Variants in ULK2 observed in about 807,000 individuals in gnomAD.
ULK2 encodes the protein unc-51 like autophagy activating kinase 2.
A neutral mutation model predicts 127.5 loss-of-function variants in ULK2; 76 were observed. The ratio of observed to expected loss-of-function variants is 0.60; its 90% CI spans 0.50 to 0.72. The LOEUF (loss-of-function observed/expected upper bound fraction) is 0.72, where lower values mean the gene tolerates loss of function less well. Ranked by LOEUF, ULK2 falls within the 30% of genes least tolerant of loss-of-function variation. ULK2 has a pLI of 0.00. For missense variants in ULK2, 1,144 were observed against 1,295.9 expected, an observed-to-expected ratio of 0.88 and a Z score of 1.80; for synonymous variants, 452 against 461.9, an observed-to-expected ratio of 0.98 and a Z score of 0.28.
At chr17:19,806,117 T>G (rs753976667) in intron 14 of ULK2, among the ~76,000 whole-genome samples, 6 of 152,118 alleles carry the variant, frequency 3.9e-5, no homozygotes, top group Admixed American at 6.6e-5. Context: ...TAAAACAGCT[T>G]AACAGTACTT....
chr17:19,855,777 C>G (rs999803123), intron 3 of ULK2: 4 of 152,246 alleles, frequency 2.6e-5, no homozygotes, highest in Non-Finnish European at 5.9e-5. Flanking sequence ...TCCTAAACAT[C>G]TCACTAATCT....
chr17:19,790,068 G>A (rs1163347028), intron 20 of ULK2, among the ~76,000 whole-genome samples: 1 of 152,126 alleles, frequency 6.6e-6, no homozygotes, highest in Non-Finnish European at 1.5e-5. Flanking sequence ...AGGAGATAGA[G>A]TATTTTTAGT....
intron 13 of ULK2, among the ~76,000 whole-genome samples, chr17:19,811,536 G>A (rs2087640493): frequency 6.6e-6 from 1 of 151,846 alleles, no homozygotes; most frequent in Non-Finnish European, 1.5e-5. Flanking sequence ...CTGCCTCTAA[G>A]GTTCAAGCAA....
At chr17:19,798,035 T>A (rs157387) in intron 17 of ULK2, among the ~76,000 whole-genome samples, 135,032 of 152,212 alleles carry the variant, frequency 0.89, 60,746 homozygotes, top group Non-Finnish European at 0.97. Context: ...TTGAACAGGA[T>A]GATTGTTACT....
At chr17:19,836,054 G>A (rs2152395577) in intron 10 of ULK2, among the ~76,000 whole-genome samples, 1 of 151,566 alleles carries the variant, frequency 6.6e-6, no homozygotes, top group South Asian at 2.1e-4. Flanking sequence ...ATCACCTGAG[G>A]CCAGGAGTTT....
Position 19,816,795 on chromosome 17 carries a change from C to A in ULK2, c.1050G>T (p.Thr350=). 1.2e-6 allele frequency: 2 copies of A among 1,608,126 alleles called. No individual in the cohort carries two copies. The highest frequency in any genetic ancestry group is 2.2e-5 in the South Asian group (2 of 89,750). Residue 350 remains threonine, a synonymous_variant, in exon 13 of 27, where the codon ACG becomes ACT. Coordinates refer to ENST00000395544, the MANE Select transcript of ULK2 (RefSeq NM_014683.4). ...TGTGTGGCACCAAAACAAAGTCATCCGTGTCACAAGAAGAGTTCTTGCTAC... is the reference window on the plus strand; with the variant it reads ...TGTGTGGCACCAAAACAAAGTCATCAGTGTCACAAGAAGAGTTCTTGCTAC... ...STSSKNSSCD[T]DDFVLVPHNI...
chr17:19,784,615 C>T (rs990928598), intron 21 of ULK2, among the ~76,000 whole-genome samples: 3 of 127,100 alleles, frequency 2.4e-5, no homozygotes. Context: ...CCTTGATTTT[C>T]TGGGCTCAGG....
intron 3 of ULK2, among the ~76,000 whole-genome samples, chr17:19,856,696 G>A (rs2042136100): frequency 6.6e-6 from 1 of 151,698 alleles, no homozygotes; most frequent in Non-Finnish European, 1.5e-5. Context: ...TTTACGGCCG[G>A]GTGCAGTGGC....
rs973989724 is a variant in ULK2 at position 19,774,792 on chromosome 17, A to C, written c.*1557T>G. On this transcript the variant is annotated 3_prime_UTR_variant, in exon 27 of 27. Coordinates refer to ENST00000395544, the MANE Select transcript of ULK2 (RefSeq NM_014683.4). Reference sequence around the variant, plus strand: ...TACCTTAATATACATTTGTACAGGCAATAATAAAAAGGCTATTACACAACA... The same window carrying C: ...TACCTTAATATACATTTGTACAGGCCATAATAAAAAGGCTATTACACAACA... 1.3e-5 allele frequency: 2 copies of C among 152,766 alleles called. No individual in the cohort carries two copies. Among genetic ancestry groups the C allele is most frequent in the Non-Finnish European group, 2.9e-5 (2 of 68,030 alleles). 9.5% of individuals were successfully genotyped at this position (152,766 alleles called of 1,614,324 possible).
At chr17:19,800,400 G>A (rs531524329) in intron 16 of ULK2, among the ~76,000 whole-genome samples, 216 of 152,202 alleles carry the variant, frequency 1.4e-3, no homozygotes, top group Non-Finnish European at 2.0e-3. Context: ...GGATTAAGCA[G>A]CGGGCAGAGA....
intron 22 of ULK2, 96 bp from the exon 23 acceptor site, chr17:19,782,163 A>G: frequency 8.1e-7 from 1 of 1,236,448 alleles, no homozygotes; most frequent in Non-Finnish European, 1.1e-6. Flanking sequence ...CATGTTTTCT[A>G]TACTTATGAG....
At position 19,796,052 on chromosome 17, in the gene ULK2, T is replaced by C. The variant is rs1033130049; in HGVS notation, c.1997+43A>G. On this transcript the variant is annotated intron_variant, in intron 19 of 26. Coordinates refer to ENST00000395544, the MANE Select transcript of ULK2 (RefSeq NM_014683.4). ...ATAACAGAAATCTATGTTTTACTATTACAGTTTTCATGTTTAATGCTAGAA... is the reference window on the plus strand; with the variant it reads ...ATAACAGAAATCTATGTTTTACTATCACAGTTTTCATGTTTAATGCTAGAA... The C allele has an allele frequency of 4.5e-6, 7 of 1,569,480 alleles. No individual in the cohort carries two copies. In the African/African-American group the frequency reaches 9.5e-5, roughly 21 times the overall value.
chr17:19,856,133 CAAG>C (rs767225270), intron 3 of ULK2: 2 of 152,230 alleles, frequency 1.3e-5, no homozygotes, highest in Non-Finnish European at 2.9e-5. Context: ...TCCATCACCC[CAAG>C]AAGTTCTCTC....
chr17:19,796,037 T>C, intron 19 of ULK2, 58 bp downstream of exon 19: 1 of 1,546,318 alleles, frequency 6.5e-7, no homozygotes, highest in Non-Finnish European at 8.7e-7. Flanking sequence ...ATAACAGAAA[T>C]CTATGTTTTA....
rs1177980863 is a variant in ULK2 at position 19,770,908 on chromosome 17, T to C, written c.*5441A>G. On this transcript the variant is annotated 3_prime_UTR_variant, in exon 27 of 27. Coordinates refer to ENST00000395544, the MANE Select transcript of ULK2 (RefSeq NM_014683.4). ...GGGAGTTTCAGGGTGGTCTCTGAAA[T>C]CCATTGCTGTTGAGCTCCAACTCCA... 6.6e-6 allele frequency: 1 copy of C among 152,204 alleles called. No homozygotes were observed. The highest frequency in any genetic ancestry group is 2.4e-5 in the African/African-American group (1 of 41,448). The allele number at this position is 152,204 out of a possible 1,614,324, so 9.4% of individuals were successfully genotyped here. A position where few individuals can be genotyped will look rare whatever the true frequency, so the allele number is the denominator to read the frequency against.
At position 19,810,465 on chromosome 17, in the gene ULK2, T is replaced by A. The variant is rs752284549; in HGVS notation, c.1097-27A>T. ...TAAAGGAGAGAAAAGAACAATCAGT[T>A]CCTGTTATACCATCTGCTTAAAAAA... is the stretch of plus-strand genomic sequence containing the variant. On this transcript the variant is annotated intron_variant, in intron 13 of 26. Coordinates refer to ENST00000395544, the MANE Select transcript of ULK2 (RefSeq NM_014683.4). 2.7e-6 allele frequency: 4 copies of A among 1,474,398 alleles called. No individual in the cohort carries two copies. In the African/African-American group the frequency reaches 5.7e-5, roughly 21 times the overall value. The allele number at this position is 1,474,398 out of a possible 1,614,324, so 91.3% of individuals were successfully genotyped here. A position where few individuals can be genotyped will look rare whatever the true frequency, so the allele number is the denominator to read the frequency against.
chr17:19,807,888 C>T (rs1167391810), intron 14 of ULK2, among the ~76,000 whole-genome samples: 1 of 152,102 alleles, frequency 6.6e-6, no homozygotes. Flanking sequence ...AGGTGGATCA[C>T]GAGGTCAGGA....
chr17:19,853,764 G>A (rs1401085754), intron 3 of ULK2, among the ~76,000 whole-genome samples: 3 of 151,494 alleles, frequency 2.0e-5, no homozygotes, highest in Non-Finnish European at 4.4e-5. Flanking sequence ...GTAGAGATGG[G>A]GTTTCACCTT....
chr17:19,834,752 A>G (rs1254525690), intron 10 of ULK2, among the ~76,000 whole-genome samples: 1 of 152,028 alleles, frequency 6.6e-6, no homozygotes, highest in African/African-American at 2.4e-5. Context: ...TCTACAAAAA[A>G]TTTAAAAATT....
Sources: allele counts gnomAD v4.1 joint callset (sites outside exome capture counted in the v4.1 genomes callset), GRCh38; gene constraint gnomAD v4.1.1; transcripts MANE v1.5; gene names NCBI Gene and HGNC (gene_info 2026-07-23, HGNC 2026-07-21).